Variants in TFG observed in about 807,000 individuals in gnomAD.
TFG encodes the protein trafficking from ER to golgi regulator, also known as protein TFG.
TFG carries 22 observed loss-of-function variants against 51.4 expected under a neutral mutation model. That is an observed-to-expected ratio of 0.43 (90% CI 0.31 to 0.61). The LOEUF is 0.61. Among genes scored for constraint, TFG ranks in the 20% least tolerant of loss-of-function variants. The pLI, the probability that TFG is intolerant of heterozygous loss-of-function variation, is 0.12. For synonymous variants in TFG, 187 were observed against 165.6 expected (o/e 1.13, Z -0.99); for missense variants, 419 against 487.7 (o/e 0.86, Z 1.33).
chr3:100,741,457 GAATA>G (rs2095120974), intron 6 of TFG, among the ~76,000 whole-genome samples: 1 of 151,984 alleles, frequency 6.6e-6, no homozygotes. Context: ...AGGATATAAA[GAATA>G]AATATTTTTG....
At chr3:100,726,956 A>G (rs920253191) in intron 3 of TFG, among the ~76,000 whole-genome samples, 3 of 152,222 alleles carry the variant, frequency 2.0e-5, no homozygotes, top group South Asian at 2.1e-4. Context: ...GGTGAGAGGA[A>G]TGAATTGAGG....
intron 4 of TFG, among the ~76,000 whole-genome samples, chr3:100,730,298 A>C (rs2095087951): frequency 6.6e-6 from 1 of 151,956 alleles, no homozygotes; most frequent in African/African-American, 2.4e-5. Context: ...CTTTTTCCTC[A>C]CCTCTTTCTT....
intron 5 of TFG, among the ~76,000 whole-genome samples, chr3:100,735,830 A>G (rs184305199): frequency 6.6e-6 from 1 of 152,314 alleles, no homozygotes; most frequent in African/African-American, 2.4e-5. Flanking sequence ...AAGAATCAAC[A>G]GTCAGGAGCC....
In TFG at chr3:100,748,624, A is replaced by G; in HGVS notation, c.*93A>G. On this transcript the variant is annotated 3_prime_UTR_variant, in exon 8 of 8. Coordinates refer to ENST00000240851, the MANE Select transcript of TFG (RefSeq NM_006070.6). ...TTAATTTGTATTGAAGAAGTTCAGA[A>G]ATTTAAAAGCAGAGCATTTTTTATG... is the stretch of plus-strand genomic sequence containing the variant. 1.5e-6 allele frequency: 2 copies of G among 1,333,270 alleles called. No homozygotes were observed. Among genetic ancestry groups the G allele is most frequent in the Middle Eastern group, 2.2e-4 (1 of 4,646 alleles). 82.6% of individuals were successfully genotyped at this position (1,333,270 alleles called of 1,614,324 possible).
chr3:100,738,266 A>T (rs909441451), intron 6 of TFG, among the ~76,000 whole-genome samples: 1 of 152,216 alleles, frequency 6.6e-6, no homozygotes, highest in Non-Finnish European at 1.5e-5. Context: ...AACTAGAACA[A>T]ACTAGAACTA....
In TFG at chr3:100,732,644, G is replaced by A. The variant is rs35648279; in HGVS notation, c.552G>A (p.Ala184=). The A allele has an allele frequency of 9.5e-3, 15,238 of 1,611,108 alleles. 389 individuals are homozygous for A. Among genetic ancestry groups the A allele is most frequent in the African/African-American group, 0.093 (6,984 of 74,818 alleles). Residue 184 remains alanine (A), a synonymous_variant, in exon 5 of 8, where the codon GCG becomes GCA. Coordinates refer to ENST00000240851, the MANE Select transcript of TFG (RefSeq NM_006070.6). ...AAATCAATAAAAATGTTATGTCAGC[G>A]TTTGGCTTAACAGATGATCAGGTTT... ...QDEINKNVMS[A]FGLTDDQVSG...
At chr3:100,719,497 G>A (rs1421694466) in intron 2 of TFG, among the ~76,000 whole-genome samples, 1 of 152,148 alleles carries the variant, frequency 6.6e-6, no homozygotes, top group East Asian at 1.9e-4. Flanking sequence ...AATGGTCAGT[G>A]ACCTGAAAGA....
intron 2 of TFG, among the ~76,000 whole-genome samples, chr3:100,718,429 A>G (rs2095052076): frequency 6.6e-6 from 1 of 151,870 alleles, no homozygotes; most frequent in African/African-American, 2.4e-5. Context: ...ACCATTTTTC[A>G]TTCACAGACC....
At chr3:100,745,687 T>C (rs1448979942) in intron 7 of TFG, among the ~76,000 whole-genome samples, 2 of 152,218 alleles carry the variant, frequency 1.3e-5, no homozygotes, top group East Asian at 3.8e-4. Flanking sequence ...TTAGAAATAA[T>C]TTATGCAGGT....
intron 2 of TFG, among the ~76,000 whole-genome samples, chr3:100,716,374 T>C (rs1403259518): frequency 6.6e-6 from 1 of 152,204 alleles, no homozygotes; most frequent in Non-Finnish European, 1.5e-5. Context: ...CAGGACTTCA[T>C]TCTTTTTTAT....
chr3:100,720,367 A>G (rs1039533264), intron 3 of TFG, among the ~76,000 whole-genome samples: 2 of 152,200 alleles, frequency 1.3e-5, no homozygotes, highest in African/African-American at 2.4e-5. Context: ...TTAAATTGTA[A>G]TTATCTTCCT....
intron 6 of TFG, chr3:100,743,003 T>A (rs1356314055): frequency 2.0e-5 from 3 of 152,182 alleles, no homozygotes; most frequent in Non-Finnish European, 4.4e-5. Flanking sequence ...TACTACTACG[T>A]GGAACCTTAA....
At chr3:100,737,099 AAG>A (rs2095108702) in intron 6 of TFG, among the ~76,000 whole-genome samples, 1 of 152,218 alleles carries the variant, frequency 6.6e-6, no homozygotes. Context: ...TAATTTAAAA[AAG>A]ATTTCTGAAT....
At chr3:100,718,039 C>T (rs550247950) in intron 2 of TFG, among the ~76,000 whole-genome samples, 1 of 152,306 alleles carries the variant, frequency 6.6e-6, no homozygotes, top group Admixed American at 6.5e-5. Context: ...GTCCTTGCAA[C>T]TCAGCCTCCC....
chr3:100,715,399 A>G (rs929102240), intron 2 of TFG, among the ~76,000 whole-genome samples: 5 of 152,306 alleles, frequency 3.3e-5, no homozygotes, highest in East Asian at 1.9e-4. Flanking sequence ...CCCTTATGAC[A>G]TTGGTCAGTA....
chr3:100,729,137 G>A (rs1354085758), intron 4 of TFG, among the ~76,000 whole-genome samples: 4 of 152,210 alleles, frequency 2.6e-5, no homozygotes, highest in South Asian at 2.1e-4. Context: ...TGATTCTTTC[G>A]CAACTAGTCT....
intron 6 of TFG, among the ~76,000 whole-genome samples, chr3:100,740,047 C>A (rs1015836333): frequency 2.0e-5 from 3 of 152,102 alleles, no homozygotes; most frequent in Admixed American, 6.6e-5. Flanking sequence ...AGGGGCCTAA[C>A]AAGGTTCACA....
chr3:100,713,310 T>C (rs572213238), intron 1 of TFG, among the ~76,000 whole-genome samples: 2 of 152,288 alleles, frequency 1.3e-5, no homozygotes, highest in African/African-American at 4.8e-5. Flanking sequence ...TTTTGTCTTA[T>C]ACAACTCGAA....
At position 100,720,571 on chromosome 3, in the gene TFG, T is replaced by C. The variant is rs181455025; in HGVS notation, c.268+513T>C. Among the ~76,000 whole-genome samples the C allele has an allele frequency of 1.0e-3, 157 of 152,298 alleles. 3 individuals are homozygous for C. Among genetic ancestry groups the C allele is most frequent in the East Asian group, 9.6e-4 (5 of 5,188 alleles). On this transcript the variant is annotated intron_variant, in intron 3 of 7. Coordinates refer to ENST00000240851, the MANE Select transcript of TFG (RefSeq NM_006070.6). ...GTGCAATTCACAATAGGGTTCACAC[T>C]CCTATGTGAATCTAATGCCACTGCT...
Sources: gnomAD v4.1 joint callset for allele counts (sites outside exome capture counted in the v4.1 genomes callset) on GRCh38, gnomAD v4.1.1 for gene constraint, MANE v1.5 for transcripts, NCBI Gene and HGNC (gene_info 2026-07-23, HGNC 2026-07-21) for gene names.